Variants in CLCF1 observed in about 807,000 individuals in gnomAD.
CLCF1 encodes the protein cardiotrophin-like cytokine factor 1.
A neutral mutation model predicts 21.2 loss-of-function variants in CLCF1; 10 were observed. That is an observed-to-expected ratio of 0.47 (90% confidence interval 0.29 to 0.80). CLCF1 has a LOEUF of 0.80. CLCF1 is among the 30% of genes least tolerant of loss of function. CLCF1 has a pLI of 0.09. For missense variants in CLCF1, 240 were observed against 293.4 expected (o/e 0.82, Z 1.33); for synonymous variants, 115 against 120.5 (o/e 0.95, Z 0.30).
intron 2 of CLCF1, 28 bp downstream of exon 2, chr11:67,367,431 AC>A: frequency 6.2e-7 from 1 of 1,613,906 alleles, no homozygotes; most frequent in Non-Finnish European, 8.5e-7. Flanking sequence ...CTCCTCCCCA[AC>A]TCCCAGATTC....
At chr11:67,371,625 C>T (rs1360166266) in intron 1 of CLCF1, among the ~76,000 whole-genome samples, 1 of 152,074 alleles carries the variant, frequency 6.6e-6, no homozygotes, top group Non-Finnish European at 1.5e-5. Flanking sequence ...CTCAGGGAGG[C>T]CAGCGGGGAG....
chr11:67,368,840 G>A (rs967130563), intron 1 of CLCF1: 7 of 984,644 alleles, frequency 7.1e-6, no homozygotes, highest in Non-Finnish European at 6.0e-6. Context: ...GAAGAGCAGG[G>A]CTAGTTTGGG....
At position 67,367,600 on chromosome 11, in the gene CLCF1, G is replaced by A; in HGVS notation, c.43C>T (p.Leu15=). The A allele has an allele frequency of 6.2e-7, 1 of 1,613,798 alleles. No individual in the cohort carries two copies. Among genetic ancestry groups the A allele is most frequent in the Non-Finnish European group, 8.5e-7 (1 of 1,179,980 alleles). Residue 15 remains leucine (L), a synonymous_variant, in exon 2 of 3, where the codon CTG becomes TTG. Transcript: ENST00000312438. ...GGGAGGTGCCAGAGCACCGTGCACA[G>A]GCACGCTAACATCCCCCACGAGTCC... ...AGDSWGMLAC[L]CTVLWHLPAV...
intron 1 of CLCF1, chr11:67,370,807 G>C (rs1862215368): frequency 2.0e-6 from 2 of 985,402 alleles, no homozygotes; most frequent in Non-Finnish European, 1.2e-6. Context: ...AGATGTGCCA[G>C]GGTGCTTAGG....
At chr11:67,368,510 G>C (rs945796229) in intron 1 of CLCF1, 5 of 985,384 alleles carry the variant, frequency 5.1e-6, no homozygotes. Flanking sequence ...GCTGTAAGGA[G>C]GGATGTGGGC....
intron 1 of CLCF1, chr11:67,367,860 A>G: frequency 2.0e-6 from 2 of 985,436 alleles, no homozygotes; most frequent in African/African-American, 3.5e-5. Context: ...GTCTATCAGT[A>G]GATACTTGAG....
intron 1 of CLCF1, chr11:67,369,385 C>T (rs1862183667): frequency 2.0e-6 from 2 of 985,232 alleles, no homozygotes; most frequent in Non-Finnish European, 2.4e-6. Context: ...TCAACTGCTC[C>T]CTGGGGAGAC....
upstream of CLCF1, chr11:67,373,923 C>T (rs1862291875): frequency 1.0e-6 from 1 of 993,648 alleles, no homozygotes; most frequent in African/African-American, 1.7e-5. Flanking sequence ...ATCAGTCCGT[C>T]TGAGGACTCC....
In CLCF1 at chr11:67,364,977, G is replaced by A. The variant is rs1006619751; in HGVS notation, c.*159C>T. Reference sequence around the variant, plus strand: ...TCGGTAGACCTTTGGGAGGTGGGGAGGAGACAGGGCTGATCGCATCACACG... The same window carrying A: ...TCGGTAGACCTTTGGGAGGTGGGGAAGAGACAGGGCTGATCGCATCACACG... On this transcript the variant is annotated 3_prime_UTR_variant, in exon 3 of 3. Transcript: ENST00000312438. 3.4e-6 allele frequency: 4 copies of A among 1,188,568 alleles called. No homozygotes were observed. The African/African-American group carries it at 6.1e-5, about 18-fold the overall frequency. 73.6% of individuals were successfully genotyped at this position (1,188,568 alleles called of 1,614,324 possible).
chr11:67,373,429 G>T, intron 1 of CLCF1, 95 bp downstream of exon 1: 1 of 663,378 alleles, frequency 1.5e-6, no homozygotes, highest in Non-Finnish European at 2.3e-6. Flanking sequence ...GCCCGGCCCC[G>T]GCGCGGGGCT....
At chr11:67,373,783 A>G (rs1590919919), upstream of CLCF1, 2 of 439,914 alleles carry the variant, frequency 4.5e-6, no homozygotes, top group South Asian at 9.9e-5. Context: ...GGGTGGGGGT[A>G]GGAGGGGGGA....
At chr11:67,373,308 T>G (rs1373101996) in intron 1 of CLCF1, among the ~76,000 whole-genome samples, 1 of 151,082 alleles carries the variant, frequency 6.6e-6, no homozygotes, top group Non-Finnish European at 1.5e-5. Context: ...TCCCCGCCGC[T>G]CCCGGCCACC....
At chr11:67,370,170 G>A in intron 1 of CLCF1, 2 of 985,418 alleles carry the variant, frequency 2.0e-6, no homozygotes, top group Non-Finnish European at 2.4e-6. Flanking sequence ...TCCACTCTGG[G>A]CAAAGCCATG....
At chr11:67,369,418 T>C in intron 1 of CLCF1, 1 of 985,390 alleles carries the variant, frequency 1.0e-6, no homozygotes, top group Non-Finnish European at 1.2e-6. Context: ...TCCTGTCCCC[T>C]CTGAGCTTGT....
chr11:67,365,221 G>A lies in CLCF1; in HGVS notation c.593C>T (p.Ser198Leu), dbSNP rs542846121. The A allele has an allele frequency of 3.5e-5, 57 of 1,613,968 alleles. No homozygotes were observed. Among genetic ancestry groups the A allele is most frequent in the African/African-American group, 1.3e-5 (1 of 75,052 alleles). Residue 198 changes from serine (S) to leucine (L), a missense_variant, in exon 3 of 3, where the codon TCG (serine) becomes TTG (leucine). Physicochemically the swap from Ser to Leu is moderately radical, Grantham distance 145. Coordinates refer to ENST00000312438, the MANE Select transcript of CLCF1 (RefSeq NM_013246.3). This position sits in a 1 kb window ranked among gnomAD's most constrained non-coding sequence, Gnocchi z 5.0. Reference protein sequence around the residue: ...LKELQTWLWRSAKDFNRLKKK... With the variant: ...LKELQTWLWRLAKDFNRLKKK... ...CTTGAGCCGGTTGAAGTCCTTGGCC[G>A]AGCGCCACAGCCAGGTCTGCAGCTC...
In CLCF1 at chr11:67,365,117, A is replaced by G. The variant is rs759598981; in HGVS notation, c.*19T>C. 6.2e-7 allele frequency: 1 copy of G among 1,613,352 alleles called. No homozygotes were observed. Among genetic ancestry groups the G allele is most frequent in the South Asian group, 1.1e-5 (1 of 91,060 alleles). On this transcript the variant is annotated 3_prime_UTR_variant, in exon 3 of 3. Transcript: ENST00000312438. This position sits in a 1 kb window ranked among gnomAD's most constrained non-coding sequence, Gnocchi z 5.0. ...GGGAGCAGGGTTTGAAGGGGGAGCGAAGAGGAGAAGGTCAGAAGTCAGAAG... is the reference window on the plus strand; with the variant it reads ...GGGAGCAGGGTTTGAAGGGGGAGCGGAGAGGAGAAGGTCAGAAGTCAGAAG...
At chr11:67,370,745 C>G in intron 1 of CLCF1, 2 of 985,448 alleles carry the variant, frequency 2.0e-6, no homozygotes, top group Non-Finnish European at 2.4e-6. Context: ...AGTCCCTGGC[C>G]TGGACACCCC....
intron 1 of CLCF1, chr11:67,371,210 C>G (rs115079567): frequency 2.5e-4 from 88 of 355,034 alleles, no homozygotes; most frequent in African/African-American, 1.8e-3. Context: ...GCTTTCCCCT[C>G]TCTTACTTAT....
chr11:67,373,010 C>T (rs1862272296), intron 1 of CLCF1, among the ~76,000 whole-genome samples: 2 of 150,732 alleles, frequency 1.3e-5, no homozygotes, highest in Non-Finnish European at 3.0e-5. Context: ...CTCCTCTCCG[C>T]CGCCCGCCCT....
Sources: allele counts gnomAD v4.1 joint callset (sites outside exome capture counted in the v4.1 genomes callset), GRCh38; gene constraint gnomAD v4.1.1; non-coding constraint Gnocchi (gnomAD v3.1); transcripts MANE v1.5; gene names NCBI Gene and HGNC (gene_info 2026-07-23, HGNC 2026-07-21).